COL22A1: variants seen among roughly 807,000 people sequenced by gnomAD.
COL22A1 encodes collagen type XXII alpha 1 chain, also known as collagen alpha-1(XXII) chain.
COL22A1 carries 221 observed loss-of-function variants against 248.9 expected under a neutral mutation model. That is an observed-to-expected ratio of 0.89 (90% confidence interval 0.80 to 0.99). COL22A1 has a LOEUF of 0.99. Ranked by LOEUF, COL22A1 falls within the 50% of genes least tolerant of loss-of-function variation. The pLI, the probability that COL22A1 is intolerant of heterozygous loss-of-function variation, is 0.00. For missense variants in COL22A1, 2,240 were observed against 2,179.0 expected, an observed-to-expected ratio of 1.03 and a Z score of -0.56; for synonymous variants, 891 against 793.4, an observed-to-expected ratio of 1.12 and a Z score of -2.07.
chr8:138,854,321 G>C (rs779580598), intron 3 of COL22A1, among the ~76,000 whole-genome samples: 1 of 152,128 alleles, frequency 6.6e-6, no homozygotes, highest in Non-Finnish European at 1.5e-5. Flanking sequence ...GAACAGAAAG[G>C]ACAAGAGGAC....
intron 11 of COL22A1, among the ~76,000 whole-genome samples, chr8:138,799,610 G>A (rs949422192): frequency 1.3e-5 from 2 of 152,126 alleles, no homozygotes; most frequent in Admixed American, 6.5e-5. Context: ...CCAGGATGAC[G>A]ATGGTTTTAA....
At chr8:138,893,555 C>T (rs1825206647) in intron 1 of COL22A1, among the ~76,000 whole-genome samples, 1 of 152,142 alleles carries the variant, frequency 6.6e-6, no homozygotes. Flanking sequence ...GAACGATATC[C>T]CCTACTTCAG....
chr8:138,653,555 A>G (rs1822946255), intron 45 of COL22A1, among the ~76,000 whole-genome samples: 1 of 152,192 alleles, frequency 6.6e-6, no homozygotes, highest in African/African-American at 2.4e-5. Flanking sequence ...GGATTTAATA[A>G]TATAATATTT....
intron 1 of COL22A1, among the ~76,000 whole-genome samples, chr8:138,902,346 A>G (rs1814647253): frequency 6.6e-6 from 1 of 152,174 alleles, no homozygotes; most frequent in South Asian, 2.1e-4. Context: ...ACGGCTTCGC[A>G]TTGGCTCTGA....
At chr8:138,697,017 T>C (rs1443794185) in intron 32 of COL22A1, among the ~76,000 whole-genome samples, 1 of 152,202 alleles carries the variant, frequency 6.6e-6, no homozygotes, top group African/African-American at 2.4e-5. Context: ...TACAGTCTTC[T>C]TCCAGTGTTG....
At chr8:138,730,070 G>C (rs1196381600) in intron 23 of COL22A1, among the ~76,000 whole-genome samples, 7 of 152,186 alleles carry the variant, frequency 4.6e-5, no homozygotes, top group African/African-American at 1.2e-4. Flanking sequence ...AAAAGGAAGG[G>C]AGAAAACTGA....
At chr8:138,731,585 T>TG (rs201563136) in intron 23 of COL22A1, among the ~76,000 whole-genome samples, 3,531 of 152,010 alleles carry the variant, frequency 0.023, 69 homozygotes, top group Middle Eastern at 0.061. Flanking sequence ...GGGGTTGCTG[T>TG]GGGGCATGAT....
At chr8:138,882,726 CCA>C (rs1276271505) in intron 2 of COL22A1, among the ~76,000 whole-genome samples, 1 of 150,802 alleles carries the variant, frequency 6.6e-6, no homozygotes, top group African/African-American at 2.4e-5. Flanking sequence ...TCACACTCCC[CCA>C]CTCTTCCTCA....
chr8:138,690,069 A>T (rs931621924), intron 36 of COL22A1, among the ~76,000 whole-genome samples: 19 of 152,348 alleles, frequency 1.2e-4, no homozygotes, highest in African/African-American at 4.6e-4. Flanking sequence ...GTGCAGAGTA[A>T]ATGAATGAAC....
chr8:138,877,192 A>G (rs1234685077), intron 3 of COL22A1, among the ~76,000 whole-genome samples: 4 of 152,144 alleles, frequency 2.6e-5, no homozygotes, highest in Non-Finnish European at 5.9e-5. Flanking sequence ...CACCAGGTCA[A>G]CAGCACTTGG....
intron 55 of COL22A1, among the ~76,000 whole-genome samples, chr8:138,615,530 CAAAAA>C (rs11329956): frequency 8.3e-6 from 1 of 120,270 alleles, no homozygotes; most frequent in Non-Finnish European, 1.7e-5. Context: ...GACTCCATCT[CAAAAA>C]AAAAAAAAAA....
At chr8:138,704,939 A>G (rs1413260769) in intron 30 of COL22A1, among the ~76,000 whole-genome samples, 1 of 152,174 alleles carries the variant, frequency 6.6e-6, no homozygotes, top group East Asian at 1.9e-4. Flanking sequence ...ACCTTAAATA[A>G]CCTGATGGAG....
rs763531520 is a variant in COL22A1 at position 138,877,889 on chromosome 8, A to G, written c.519T>C (p.Phe173=). The change falls in exon 3 of 65, where the codon TTT becomes TTC. Residue 173 remains phenylalanine, a synonymous_variant. Coordinates refer to ENST00000303045, the MANE Select transcript of COL22A1 (RefSeq NM_152888.3). ...TGAGTGCCTCGCCCACGCCCACGGC[A>G]AAGATGCGGATGCCAGCGCGGTGGG... ...AAAHRAGIRI[F]AVGVGEALKE... The G allele has an allele frequency of 1.2e-6, 2 of 1,612,402 alleles. No individual in the cohort carries two copies. Among genetic ancestry groups the G allele is most frequent in the African/African-American group, 2.7e-5 (2 of 74,898 alleles).
At chr8:138,771,195 T>C (rs963654013) in intron 16 of COL22A1, among the ~76,000 whole-genome samples, 1 of 152,166 alleles carries the variant, frequency 6.6e-6, no homozygotes, top group African/African-American at 2.4e-5. Flanking sequence ...CTGAGGTTAC[T>C]CCCTGCACCT....
In COL22A1 at chr8:138,854,983, G is replaced by C. The variant is rs144263684; in HGVS notation, c.659-10825C>G. 2.0e-3 allele frequency among the ~76,000 whole-genome samples: 297 copies of C among 152,224 alleles called. 2 individuals are homozygous for C. Among genetic ancestry groups the C allele is most frequent in the African/African-American group, 6.9e-3 (285 of 41,522 alleles). On this transcript the variant is annotated intron_variant, in intron 3 of 64. Coordinates refer to ENST00000303045, the MANE Select transcript of COL22A1 (RefSeq NM_152888.3). ...AGGTGATGGTGATGGTGGGAGGGGAGGATGGGTCTACTCAGATAGCCAGCA... is the reference window on the plus strand; with the variant it reads ...AGGTGATGGTGATGGTGGGAGGGGACGATGGGTCTACTCAGATAGCCAGCA...
chr8:138,649,615 T>C (rs977841589), intron 46 of COL22A1, 50 bp downstream of exon 46: 2 of 1,576,718 alleles, frequency 1.3e-6, no homozygotes, highest in Non-Finnish European at 1.7e-6. Flanking sequence ...ATCTCCAGAA[T>C]GATATTTTCA....
At chr8:138,818,192 G>A (rs73366841) in intron 7 of COL22A1, among the ~76,000 whole-genome samples, 2,358 of 152,180 alleles carry the variant, frequency 0.015, 62 homozygotes, top group African/African-American at 0.05. Context: ...ATGCTCTCTG[G>A]GTTCCTTACA....
intron 15 of COL22A1, 86 bp from the exon 16 acceptor site, chr8:138,776,096 T>C: frequency 7.4e-7 from 1 of 1,360,054 alleles, no homozygotes; most frequent in Non-Finnish European, 1.1e-6. Context: ...AGAAACTGCC[T>C]GGCAGCTTCC....
chr8:138,895,069 A>AAAAAAAG (rs1554659273), intron 1 of COL22A1, among the ~76,000 whole-genome samples: 3 of 145,140 alleles, frequency 2.1e-5, no homozygotes, highest in African/African-American at 7.9e-5. Context: ...TTAAAAAAAA[A>AAAAAAAG]AAAAGAAAAG....
Sources: allele counts gnomAD v4.1 joint callset (sites outside exome capture counted in the v4.1 genomes callset), GRCh38; gene constraint gnomAD v4.1.1; transcripts MANE v1.5; gene names NCBI Gene and HGNC (gene_info 2026-07-23, HGNC 2026-07-21).